SAV1: variants seen among roughly 807,000 people sequenced by gnomAD.
SAV1 encodes salvador family WW domain containing protein 1.
SAV1 carries 23 observed loss-of-function variants against 47.3 expected under a neutral mutation model. The ratio of observed to expected loss-of-function variants is 0.49; its 90% CI spans 0.35 to 0.69. The LOEUF is 0.69. Among genes scored for constraint, SAV1 ranks in the 30% least tolerant of loss-of-function variants. The pLI is 0.01. For synonymous variants in SAV1, 155 were observed against 159.2 expected, an observed-to-expected ratio of 0.97 and a Z score of 0.20; for missense variants, 448 against 457.4, an observed-to-expected ratio of 0.98 and a Z score of 0.19.
intron 2 of SAV1, among the ~76,000 whole-genome samples, chr14:50,660,800 ATG>A (rs893700509): frequency 1.4e-4 from 21 of 152,208 alleles, no homozygotes; most frequent in African/African-American, 4.8e-4. Flanking sequence ...CATGAAATCA[ATG>A]TGTTTCGCTC....
chr14:50,641,023 G>C, intron 3 of SAV1, 130 bp from the exon 4 acceptor site: 1 of 684,690 alleles, frequency 1.5e-6, no homozygotes. Flanking sequence ...CCACCTGAAA[G>C]GTAATGTATT....
rs1458222333 is a variant in SAV1, at chr14:50,665,531, T to A, written c.183A>T (p.Ser61=). The change falls in exon 2 of 5, where the codon TCA becomes TCT. Residue 61 remains serine, a synonymous_variant. Transcript: ENST00000324679. ...TTCTTGAAACTACATCTCCAGAAGT[T>A]GAAAAGGCATTAGGGCTTGAATCTG... ...CLPDSSPNAF[S]TSGDVVSRNQ... 1.9e-6 allele frequency: 3 copies of A among 1,613,978 alleles called. No individual in the cohort carries two copies. The highest frequency in any genetic ancestry group is 2.5e-6 in the Non-Finnish European group (3 of 1,179,964).
chr14:50,659,227 G>C (rs1595650459), intron 2 of SAV1, among the ~76,000 whole-genome samples: 1 of 152,076 alleles, frequency 6.6e-6, no homozygotes, highest in Non-Finnish European at 1.5e-5. Flanking sequence ...TTAAAACAAG[G>C]TCTTGGCTAT....
rs1159885044 is a variant in SAV1, at chr14:50,665,390, T to C, written c.324A>G (p.Arg108=). The change falls in exon 2 of 5, where the codon AGA becomes AGG. Residue 108 remains arginine (R), a synonymous_variant. Transcript: ENST00000324679. The stretch of plus-strand genomic sequence containing the variant: ...CAAATGACTGAGAAGAACCATACTC[T>C]CTAGGGACATCTGCTAGACTTCTGG... ...YLARSLADVP[R]EYGSSQSFVT... The C allele has an allele frequency of 2.5e-6, 4 of 1,611,710 alleles. No homozygotes were observed. The highest frequency in any genetic ancestry group is 3.3e-5 in the Admixed American group (2 of 59,750).
rs186671676 is a variant in SAV1, at chr14:50,636,172, A to G, written c.951-788T>C. Reference sequence around the variant, plus strand: ...AGTGGTTCTATAATTTCTGAAGAACATATTTTGTGCTACTTATAAGTTCAT... The same window carrying G: ...AGTGGTTCTATAATTTCTGAAGAACGTATTTTGTGCTACTTATAAGTTCAT... On this transcript the variant is annotated intron_variant, in intron 4 of 4. Transcript: ENST00000324679. Among the ~76,000 whole-genome samples, 710 of 152,332 alleles carry G rather than the reference A, an allele frequency of 4.7e-3. 8 individuals carry two copies. The highest frequency in any genetic ancestry group is 0.016 in the African/African-American group (679 of 41,570).
chr14:50,658,495 T>C (rs1360818370), intron 2 of SAV1, among the ~76,000 whole-genome samples: 1 of 152,204 alleles, frequency 6.6e-6, no homozygotes, highest in Non-Finnish European at 1.5e-5. Context: ...CGTAGAACTT[T>C]CTAGGCTCTA....
At chr14:50,660,135 T>C (rs2039846314) in intron 2 of SAV1, among the ~76,000 whole-genome samples, 1 of 152,234 alleles carries the variant, frequency 6.6e-6, no homozygotes, top group South Asian at 2.1e-4. Context: ...TGACACCAAA[T>C]GGACCAGTGT....
At chr14:50,644,486 CT>C (rs2039704072) in intron 3 of SAV1, among the ~76,000 whole-genome samples, 1 of 152,114 alleles carries the variant, frequency 6.6e-6, no homozygotes, top group Non-Finnish European at 1.5e-5. Flanking sequence ...CAAAAACATT[CT>C]GGCATTACTA....
chr14:50,634,284 C>A lies in SAV1; in HGVS notation c.*899G>T. 1 of 336,374 alleles carries A rather than the reference C, an allele frequency of 3.0e-6. No homozygotes were observed. The highest frequency in any genetic ancestry group is 6.2e-6 in the Non-Finnish European group (1 of 161,970). The allele number at this position is 336,374 out of a possible 1,614,324, so 20.8% of individuals were successfully genotyped here. On this transcript the variant is annotated 3_prime_UTR_variant, in exon 5 of 5. Coordinates refer to ENST00000324679, the MANE Select transcript of SAV1 (RefSeq NM_021818.4). Reference sequence around the variant, plus strand: ...CCTGAAAGATTAAAAGGCCCGTCACCCATTCATACCAAAAAATACTTTCTC... The same window carrying A: ...CCTGAAAGATTAAAAGGCCCGTCACACATTCATACCAAAAAATACTTTCTC...
Position 50,635,131 on chromosome 14 carries a change from C to T in SAV1, c.*52G>A. ...AGAGTACTTGTTTGCAATTTTTTAT[C>T]TGTGAAAATATTTTAAAGCTCTTAC... On this transcript the variant is annotated 3_prime_UTR_variant, in exon 5 of 5. Coordinates refer to ENST00000324679, the MANE Select transcript of SAV1 (RefSeq NM_021818.4). The T allele has an allele frequency of 1.5e-6, 2 of 1,374,554 alleles. No homozygotes were observed. The highest frequency in any genetic ancestry group is 2.1e-6 in the Non-Finnish European group (2 of 972,816). The allele number at this position is 1,374,554 out of a possible 1,614,324, so 85.1% of individuals were successfully genotyped here. A position where few individuals can be genotyped will look rare whatever the true frequency, so the allele number is the denominator to read the frequency against.
intron 2 of SAV1, chr14:50,662,431 T>C (rs1022740402): frequency 6.6e-6 from 1 of 152,228 alleles, no homozygotes; most frequent in African/African-American, 2.4e-5. Context: ...CCTCCCAAAG[T>C]GCTGGGATTA....
At chr14:50,642,323 T>C (rs891218687) in intron 3 of SAV1, among the ~76,000 whole-genome samples, 2 of 151,900 alleles carry the variant, frequency 1.3e-5, no homozygotes, top group South Asian at 2.1e-4. Context: ...ACCCCGTCTC[T>C]ACTAAAAATA....
intron 2 of SAV1, among the ~76,000 whole-genome samples, chr14:50,649,310 C>T (rs1595642368): frequency 6.6e-6 from 1 of 152,186 alleles, no homozygotes; most frequent in East Asian, 1.9e-4. Flanking sequence ...TATTTACCTA[C>T]AAGAATCCCA....
chr14:50,658,204 G>A (rs1183162687), intron 2 of SAV1, among the ~76,000 whole-genome samples: 1 of 152,124 alleles, frequency 6.6e-6, no homozygotes, highest in Non-Finnish European at 1.5e-5. Flanking sequence ...CATTACCCGA[G>A]TAACTGCAAA....
intron 4 of SAV1, among the ~76,000 whole-genome samples, chr14:50,640,168 G>A (rs79502682): frequency 2.0e-5 from 3 of 152,162 alleles, no homozygotes; most frequent in Non-Finnish European, 4.4e-5. Flanking sequence ...ATTTTTTATA[G>A]AGACAGAGTC....
At chr14:50,648,305 T>C (rs1040412659) in intron 2 of SAV1, among the ~76,000 whole-genome samples, 2 of 152,188 alleles carry the variant, frequency 1.3e-5, no homozygotes, top group African/African-American at 4.8e-5. Context: ...GAGTTGACTA[T>C]AAGAGGACAA....
chr14:50,646,543 G>A (rs1255872322), intron 2 of SAV1, among the ~76,000 whole-genome samples: 2 of 151,964 alleles, frequency 1.3e-5, no homozygotes, highest in African/African-American at 4.8e-5. Flanking sequence ...AAAATTAGCC[G>A]GGCGTGGTGG....
intron 3 of SAV1, among the ~76,000 whole-genome samples, chr14:50,641,432 T>C (rs1311130174): frequency 6.6e-6 from 1 of 151,758 alleles, no homozygotes; most frequent in Non-Finnish European, 1.5e-5. Context: ...ATAGCCTGTG[T>C]ATGCTGTGGG....
intron 2 of SAV1, among the ~76,000 whole-genome samples, chr14:50,646,760 T>C (rs1022988975): frequency 6.6e-6 from 1 of 151,546 alleles, no homozygotes; most frequent in African/African-American, 2.4e-5. Flanking sequence ...TTAAAATGTA[T>C]ACTGAAAGGC....
Sources: gnomAD v4.1 joint callset for allele counts (sites outside exome capture counted in the v4.1 genomes callset) on GRCh38, gnomAD v4.1.1 for gene constraint, MANE v1.5 for transcripts, NCBI Gene and HGNC (gene_info 2026-07-23, HGNC 2026-07-21) for gene names.